The following RANBP2 variants were observed in gnomAD, a reference collection of about 807,000 sequenced individuals.
RANBP2 encodes E3 SUMO-protein ligase RanBP2.
RANBP2 carries 57 observed loss-of-function variants against 303.6 expected under a neutral mutation model. The ratio of observed to expected loss-of-function variants is 0.19; its 90% CI spans 0.15 to 0.23. The LOEUF is 0.23. RANBP2 is among the 10% of genes least tolerant of loss of function. The pLI, the probability that RANBP2 is intolerant of heterozygous loss-of-function variation, is 1.00. For missense variants in RANBP2, 3,138 were observed against 3,780.8 expected, an observed-to-expected ratio of 0.83 and a Z score of 4.46; for synonymous variants, 1,167 against 1,301.5, an observed-to-expected ratio of 0.90 and a Z score of 2.23.
the RANBP2 span, among the ~76,000 whole-genome samples, chr2:109,131,968 C>A: frequency 6.6e-6 from 1 of 152,186 alleles, no homozygotes; most frequent in Non-Finnish European, 1.5e-5. Flanking sequence ...CCAGCACATG[C>A]TTCGGGAGTG....
chr2:109,614,137 G>T, the RANBP2 span: 2 of 1,202,788 alleles, frequency 1.7e-6, no homozygotes, highest in Non-Finnish European at 1.0e-6. Flanking sequence ...TGGGACTCCA[G>T]GAAGACGGCG....
the RANBP2 span, chr2:109,615,035 C>G: frequency 2.6e-6 from 4 of 1,548,016 alleles, no homozygotes; most frequent in South Asian, 4.8e-5. Context: ...CGCCACATGG[C>G]TGCGAGGAGG....
chr2:109,329,587 CTGA>C, the RANBP2 span, among the ~76,000 whole-genome samples: 1 of 152,208 alleles, frequency 6.6e-6, no homozygotes, highest in Non-Finnish European at 1.5e-5. Context: ...AGGTGGAAGG[CTGA>C]TGATAAGTCT....
the RANBP2 span, among the ~76,000 whole-genome samples, chr2:108,982,446 C>T: frequency 6.6e-6 from 1 of 152,228 alleles, no homozygotes; most frequent in Non-Finnish European, 1.5e-5. Flanking sequence ...GGGACATTGG[C>T]GTTTGCCAGT....
At chr2:108,782,082 T>G in intron 26 of RANBP2, 46 bp from the exon 27 acceptor site, 3 of 1,590,954 alleles carry the variant, frequency 1.9e-6, no homozygotes, top group Non-Finnish European at 2.6e-6. Flanking sequence ...TGTCATGGAA[T>G]TTATTATAAG....
At chr2:109,001,355 G>A in the RANBP2 span, among the ~76,000 whole-genome samples, 3 of 152,246 alleles carry the variant, frequency 2.0e-5, no homozygotes, top group East Asian at 3.9e-4. Flanking sequence ...GACACGTGGG[G>A]TCACAGTAGG....
the RANBP2 span, chr2:109,432,676 G>T: frequency 6.2e-7 from 1 of 1,608,808 alleles, no homozygotes; most frequent in East Asian, 2.2e-5. Flanking sequence ...TTCCAGGTGA[G>T]GGCATGGTGG....
the RANBP2 span, among the ~76,000 whole-genome samples, chr2:108,862,797 G>T: frequency 1.5e-4 from 23 of 150,506 alleles, no homozygotes; most frequent in African/African-American, 5.4e-4. Flanking sequence ...GCCACCTTTT[G>T]TTTTTTTTTA....
the RANBP2 span, among the ~76,000 whole-genome samples, chr2:109,070,547 C>T: frequency 1.3e-5 from 2 of 152,174 alleles, no homozygotes; most frequent in African/African-American, 4.8e-5. Flanking sequence ...TGGTAGTTCA[C>T]ATGAGATCTG....
intron 1 of RANBP2, among the ~76,000 whole-genome samples, chr2:108,725,352 GTTTAAT>G (rs1330953348): frequency 1.3e-5 from 2 of 151,980 alleles, no homozygotes; most frequent in Non-Finnish European, 2.9e-5. Context: ...TTGTAAAGTT[GTTTAAT>G]TATCTTAAGA....
the RANBP2 span, among the ~76,000 whole-genome samples, chr2:109,314,387 A>G: frequency 7.7e-3 from 1,176 of 152,294 alleles, 23 homozygotes; most frequent in African/African-American, 0.027. Flanking sequence ...TAGATCTTAT[A>G]AGAGTGATTG....
chr2:108,844,706 G>GT, the RANBP2 span, among the ~76,000 whole-genome samples: 6 of 150,282 alleles, frequency 4.0e-5, no homozygotes, highest in African/African-American at 9.8e-5. Flanking sequence ...TATTTTTGGA[G>GT]TTTTTTCTCT....
the RANBP2 span, among the ~76,000 whole-genome samples, chr2:109,028,863 G>C: frequency 6.6e-6 from 1 of 152,210 alleles, no homozygotes; most frequent in Non-Finnish European, 1.5e-5. Flanking sequence ...GGCTGTCAGG[G>C]ACTGTGAGGG....
chr2:109,214,861 G>C, the RANBP2 span, among the ~76,000 whole-genome samples: 15 of 152,210 alleles, frequency 9.9e-5, no homozygotes, highest in African/African-American at 1.4e-4. Flanking sequence ...GGGTGACGCG[G>C]ACAGCAGTGT....
the RANBP2 span, among the ~76,000 whole-genome samples, chr2:109,263,327 G>C: frequency 6.6e-6 from 1 of 152,210 alleles, no homozygotes; most frequent in South Asian, 2.1e-4. Flanking sequence ...AAGGTGGGTA[G>C]ATCAACTAGC....
At chr2:109,317,640 A>C in the RANBP2 span, among the ~76,000 whole-genome samples, 1 of 152,130 alleles carries the variant, frequency 6.6e-6, no homozygotes, top group Middle Eastern at 3.2e-3. Context: ...GGAAAAAGAG[A>C]ACTGGCTGAG....
the RANBP2 span, among the ~76,000 whole-genome samples, chr2:108,934,379 A>G: frequency 1.3e-5 from 2 of 151,992 alleles, no homozygotes; most frequent in African/African-American, 4.8e-5. Context: ...TACTTTGGGG[A>G]TCCCCAATCT....
the RANBP2 span, among the ~76,000 whole-genome samples, chr2:109,731,416 A>G: frequency 4.0e-5 from 6 of 150,840 alleles, no homozygotes; most frequent in Non-Finnish European, 8.9e-5. Flanking sequence ...TTCTTTTGAG[A>G]TGGAGTCTCA....
At chr2:109,626,473 C>T in the RANBP2 span, among the ~76,000 whole-genome samples, 148 of 148,068 alleles carry the variant, frequency 1.0e-3, no homozygotes, top group African/African-American at 2.5e-3. Context: ...CATCTCAAAA[C>T]GAAAAACAAA....
Sources: gnomAD v4.1 joint callset for allele counts (sites outside exome capture counted in the v4.1 genomes callset) on GRCh38, gnomAD v4.1.1 for gene constraint, MANE v1.5 for transcripts, NCBI Gene and HGNC (gene_info 2026-07-23, HGNC 2026-07-21) for gene names.